The following TAOK3 variants were observed in gnomAD, a reference collection of about 807,000 sequenced individuals.
The protein encoded by TAOK3 is TAO kinase 3.
In TAOK3, 40 loss-of-function variants were observed where a neutral mutation model predicts 120.4. The ratio of observed to expected loss-of-function variants is 0.33; its 90% confidence interval spans 0.26 to 0.43. TAOK3 has a LOEUF of 0.43. TAOK3 is among the 20% of genes least tolerant of loss of function. The probability of loss-of-function intolerance (pLI) is 1.00; values close to 1 mark genes in which losing one functional copy is unlikely to be tolerated. For synonymous variants in TAOK3, 355 were observed against 387.5 expected (o/e 0.92, Z 0.99); for missense variants, 821 against 1,112.1 (o/e 0.74, Z 3.72).
chr12:118,273,723 G>A (rs946633685), intron 1 of TAOK3, among the ~76,000 whole-genome samples: 4 of 152,066 alleles, frequency 2.6e-5, no homozygotes, highest in African/African-American at 9.7e-5. Flanking sequence ...GGCTGAGACA[G>A]GAGAATAGCT....
At chr12:118,277,054 T>A (rs1322216189) in intron 1 of TAOK3, among the ~76,000 whole-genome samples, 1 of 152,224 alleles carries the variant, frequency 6.6e-6, no homozygotes, top group South Asian at 2.1e-4. Context: ...ATACAACTTA[T>A]ATGAAACAAA....
intron 1 of TAOK3, among the ~76,000 whole-genome samples, chr12:118,288,117 CCT>C (rs1170498297): frequency 8.6e-5 from 13 of 151,638 alleles, no homozygotes; most frequent in Admixed American, 3.3e-4. Context: ...CTGTTTCTCC[CCT>C]GTTTCTACTT....
chr12:118,241,940 G>GTC (rs968909887), intron 5 of TAOK3, among the ~76,000 whole-genome samples: 7 of 152,062 alleles, frequency 4.6e-5, no homozygotes, highest in Admixed American at 1.3e-4. Flanking sequence ...GAGAAACCCC[G>GTC]TCTCTACTAA....
intron 1 of TAOK3, among the ~76,000 whole-genome samples, chr12:118,322,716 A>AT (rs2043766738): frequency 7.0e-6 from 1 of 142,314 alleles, no homozygotes; most frequent in African/African-American, 2.6e-5. Flanking sequence ...AAATTTAAAA[A>AT]CCTTTTTTTT....
chr12:118,338,582 T>C (rs1468726763), intron 1 of TAOK3, among the ~76,000 whole-genome samples: 1 of 151,758 alleles, frequency 6.6e-6, no homozygotes, highest in Non-Finnish European at 1.5e-5. Flanking sequence ...GGTCAGGAGC[T>C]CGAGACCAGC....
intron 1 of TAOK3, among the ~76,000 whole-genome samples, chr12:118,279,336 A>T (rs1055129704): frequency 6.6e-6 from 1 of 151,990 alleles, no homozygotes; most frequent in Non-Finnish European, 1.5e-5. Flanking sequence ...TCTTTGTTGG[A>T]TGCATAGTTT....
At chr12:118,328,479 G>T (rs556297706) in intron 1 of TAOK3, among the ~76,000 whole-genome samples, 1 of 152,052 alleles carries the variant, frequency 6.6e-6, no homozygotes, top group African/African-American at 2.4e-5. Flanking sequence ...TTAAAGAAAC[G>T]TACATTTAAT....
At chr12:118,343,869 G>A (rs571933636) in intron 1 of TAOK3, among the ~76,000 whole-genome samples, 2 of 151,868 alleles carry the variant, frequency 1.3e-5, no homozygotes, top group South Asian at 2.1e-4. Context: ...AAAATTAGCC[G>A]GGCATGGTGG....
At chr12:118,269,491 C>T (rs553805858) in intron 1 of TAOK3, among the ~76,000 whole-genome samples, 2 of 149,902 alleles carry the variant, frequency 1.3e-5, no homozygotes, top group Non-Finnish European at 2.9e-5. Flanking sequence ...CTGCCTCAGC[C>T]TTCCAAGTAG....
At chr12:118,347,001 G>C (rs2044886425) in intron 1 of TAOK3, among the ~76,000 whole-genome samples, 1 of 151,854 alleles carries the variant, frequency 6.6e-6, no homozygotes, top group South Asian at 2.1e-4. Flanking sequence ...CCAACAATAG[G>C]CCTTTTTTCT....
chr12:118,213,170 GATA>G (rs1237213319), intron 10 of TAOK3, among the ~76,000 whole-genome samples, 175 bp from the exon 11 acceptor site: 3 of 152,136 alleles, frequency 2.0e-5, no homozygotes, highest in African/African-American at 4.8e-5. Context: ...AATTCTTTTG[GATA>G]ATGAGTGAGG....
intron 1 of TAOK3, among the ~76,000 whole-genome samples, chr12:118,312,742 T>G (rs186248558): frequency 4.3e-4 from 65 of 152,314 alleles, no homozygotes; most frequent in African/African-American, 1.5e-3. Flanking sequence ...CTAGTACAAT[T>G]TTTTGTTTGT....
At chr12:118,183,885 G>A (rs2036917059) in intron 14 of TAOK3, among the ~76,000 whole-genome samples, 1 of 152,168 alleles carries the variant, frequency 6.6e-6, no homozygotes, top group African/African-American at 2.4e-5. Context: ...CATAAGCATT[G>A]GCTTACAGCC....
At chr12:118,318,836 G>A (rs563082596) in intron 1 of TAOK3, among the ~76,000 whole-genome samples, 10 of 152,302 alleles carry the variant, frequency 6.6e-5, no homozygotes, top group East Asian at 3.9e-4. Flanking sequence ...CCAAGTGTCC[G>A]TCAGTGGGTG....
intron 13 of TAOK3, among the ~76,000 whole-genome samples, chr12:118,192,819 G>C (rs2037501538): frequency 6.6e-6 from 1 of 152,120 alleles, no homozygotes. Context: ...CTATTTTTAT[G>C]CAGTTATGCA....
intron 1 of TAOK3, among the ~76,000 whole-genome samples, chr12:118,334,150 A>G (rs985246543): frequency 4.6e-5 from 7 of 151,612 alleles, no homozygotes; most frequent in South Asian, 2.1e-4. Context: ...AAAAAAAAAA[A>G]AAAAAAGAAA....
At chr12:118,331,936 C>T (rs1271851539) in intron 1 of TAOK3, among the ~76,000 whole-genome samples, 4 of 151,732 alleles carry the variant, frequency 2.6e-5, no homozygotes, top group Middle Eastern at 6.8e-3. Context: ...AAGCAATTCT[C>T]CTGCCTCAGT....
chr12:118,270,866 A>C (rs1190885198), intron 1 of TAOK3, among the ~76,000 whole-genome samples: 1 of 151,486 alleles, frequency 6.6e-6, no homozygotes, highest in Non-Finnish European at 1.5e-5. Flanking sequence ...TTTAGTAGAG[A>C]TGGGGTTTCA....
chr12:118,260,863 T>C (rs1451512519), intron 2 of TAOK3, among the ~76,000 whole-genome samples: 2 of 152,170 alleles, frequency 1.3e-5, no homozygotes, highest in Non-Finnish European at 2.9e-5. Context: ...GTATTTTTAG[T>C]AGAGACAGGG....
Sources: gnomAD v4.1 joint callset for allele counts (sites outside exome capture counted in the v4.1 genomes callset) on GRCh38, gnomAD v4.1.1 for gene constraint, MANE v1.5 for transcripts, NCBI Gene and HGNC (gene_info 2026-07-23, HGNC 2026-07-21) for gene names.